The following RBMS3 variants were observed in gnomAD, a reference collection of about 807,000 sequenced individuals.
RBMS3 encodes RNA-binding motif, single-stranded-interacting protein 3.
A neutral mutation model predicts 66.8 loss-of-function variants in RBMS3; 27 were observed. The ratio of observed to expected loss-of-function variants is 0.40; its 90% CI spans 0.30 to 0.56. The LOEUF is 0.56. Ranked by LOEUF, RBMS3 falls within the 20% of genes least tolerant of loss-of-function variation. The probability of loss-of-function intolerance (pLI) is 0.40; values close to 1 mark genes in which losing one functional copy is unlikely to be tolerated. For missense variants in RBMS3, 513 were observed against 549.5 expected (o/e 0.93, Z 0.66); for synonymous variants, 188 against 183.0 (o/e 1.03, Z -0.22).
intron 3 of RBMS3, among the ~76,000 whole-genome samples, chr3:29,580,847 C>T (rs938824306): frequency 6.6e-6 from 1 of 152,108 alleles, no homozygotes; most frequent in East Asian, 1.9e-4. Context: ...TATGAGGGGA[C>T]TCCAGTGGAG....
At position 29,519,118 on chromosome 3, in the gene RBMS3, G is replaced by A. The variant is rs74863054; in HGVS notation, c.307+30619G>A. ...AATGTCTTCTGTTGATATCTGTAAC[G>A]TAAGTTGGTACAACCCTTCTAGAAA... On this transcript the variant is annotated intron_variant, in intron 3 of 14. Coordinates refer to ENST00000383767, the MANE Select transcript of RBMS3 (RefSeq NM_001003793.3). Among the ~76,000 whole-genome samples, 338 of 152,302 alleles carry A rather than the reference G, an allele frequency of 2.2e-3. 2 individuals are homozygous for A. The highest frequency in any genetic ancestry group is 7.8e-3 in the African/African-American group (325 of 41,572).
intron 10 of RBMS3, among the ~76,000 whole-genome samples, chr3:29,904,882 T>C (rs74420409): frequency 6.6e-6 from 1 of 152,172 alleles, no homozygotes; most frequent in South Asian, 2.1e-4. Flanking sequence ...TAGTTTTCTT[T>C]TGAGGTACTG....
At chr3:29,320,722 T>C (rs975099171) in intron 1 of RBMS3, among the ~76,000 whole-genome samples, 4 of 152,078 alleles carry the variant, frequency 2.6e-5, no homozygotes, top group Non-Finnish European at 5.9e-5. Context: ...ATAAAAAAGC[T>C]ATTATTTTTA....
At chr3:29,348,779 G>T (rs534759104) in intron 1 of RBMS3, among the ~76,000 whole-genome samples, 10 of 152,172 alleles carry the variant, frequency 6.6e-5, no homozygotes, top group African/African-American at 2.2e-4. Context: ...GTAGCAAATT[G>T]AGGCTCAATT....
intron 6 of RBMS3, among the ~76,000 whole-genome samples, chr3:29,819,984 C>T (rs1054942160): frequency 2.0e-5 from 3 of 151,760 alleles, no homozygotes; most frequent in Non-Finnish European, 4.4e-5. Flanking sequence ...CACTTGAGTC[C>T]AGGAGTTTGA....
At position 29,698,471 on chromosome 3, in the gene RBMS3, T is replaced by C. The variant is rs2052380153; in HGVS notation, c.400-41249T>C. 9 of 985,316 alleles carry C rather than the reference T, an allele frequency of 9.1e-6. No homozygotes were observed. The South Asian group carries it at 3.8e-4, about 41-fold the overall frequency. The allele number at this position is 985,316 out of a possible 1,614,324, so 61.0% of individuals were successfully genotyped here. A position where few individuals can be genotyped will look rare whatever the true frequency, so the allele number is the denominator to read the frequency against. On this transcript the variant is annotated intron_variant, in intron 4 of 14. Coordinates refer to ENST00000383767, the MANE Select transcript of RBMS3 (RefSeq NM_001003793.3). ...GAGAAATACAGTCTTTGGAGGAATC[T>C]TGACTTCTCAGCACTCTTTGTTTAT...
At chr3:29,337,783 A>G (rs2036039050) in intron 1 of RBMS3, among the ~76,000 whole-genome samples, 1 of 152,206 alleles carries the variant, frequency 6.6e-6, no homozygotes, top group African/African-American at 2.4e-5. Context: ...AATAAAAAAC[A>G]ACCTTACAAT....
At chr3:29,433,942 A>T (rs1447898684) in intron 1 of RBMS3, among the ~76,000 whole-genome samples, 4 of 152,180 alleles carry the variant, frequency 2.6e-5, no homozygotes, top group Non-Finnish European at 4.4e-5. Context: ...TTTTTTGGTG[A>T]TCACATCTGG....
intron 1 of RBMS3, among the ~76,000 whole-genome samples, chr3:29,413,374 A>ATACT (rs1216644954): frequency 1.7e-5 from 1 of 58,210 alleles, no homozygotes; most frequent in Non-Finnish European, 3.5e-5. Context: ...CATCTCATTC[A>ATACT]TACATACATA....
chr3:29,746,469 T>C (rs1312957630), intron 5 of RBMS3, among the ~76,000 whole-genome samples: 4 of 152,080 alleles, frequency 2.6e-5, no homozygotes, highest in Non-Finnish European at 4.4e-5. Context: ...AAAGGTTGTA[T>C]GTTTCATTCT....
chr3:29,854,261 T>C (rs2059017140), intron 6 of RBMS3, among the ~76,000 whole-genome samples: 1 of 152,212 alleles, frequency 6.6e-6, no homozygotes, highest in Admixed American at 6.5e-5. Flanking sequence ...ATGTTGTGTT[T>C]CCGGGCCTGT....
chr3:29,298,286 G>A (rs1461386319), intron 1 of RBMS3, among the ~76,000 whole-genome samples: 1 of 151,754 alleles, frequency 6.6e-6, no homozygotes, highest in African/African-American at 2.4e-5. Flanking sequence ...CTTCCTTTTG[G>A]TATATCCTAT....
chr3:29,501,223 G>A (rs918384001), intron 3 of RBMS3, among the ~76,000 whole-genome samples: 9 of 152,098 alleles, frequency 5.9e-5, no homozygotes, highest in Admixed American at 3.3e-4. Context: ...AGTTTAACAC[G>A]TCCACTTTGT....
chr3:29,835,611 TG>T (rs2058485082), intron 6 of RBMS3, among the ~76,000 whole-genome samples: 2 of 151,766 alleles, frequency 1.3e-5, no homozygotes, highest in Non-Finnish European at 3.0e-5. Flanking sequence ...CAAAAACACA[TG>T]GGATGCAGCA....
At chr3:29,513,503 T>G (rs879329067) in intron 3 of RBMS3, among the ~76,000 whole-genome samples, 2 of 152,206 alleles carry the variant, frequency 1.3e-5, no homozygotes, top group African/African-American at 2.4e-5. Context: ...CAATAGTCAC[T>G]GTACAAATTG....
At chr3:29,883,665 A>C (rs1241420666) in intron 7 of RBMS3, among the ~76,000 whole-genome samples, 1 of 152,044 alleles carries the variant, frequency 6.6e-6, no homozygotes, top group Admixed American at 6.6e-5. Flanking sequence ...CAATATATCA[A>C]ACAAGCACTC....
chr3:29,566,634 C>CAAAAAAAA (rs11445860), intron 3 of RBMS3, among the ~76,000 whole-genome samples: 1 of 119,906 alleles, frequency 8.3e-6, no homozygotes, highest in Non-Finnish European at 1.8e-5. Flanking sequence ...AAGCAAAATG[C>CAAAAAAAA]AAAAAAAAAA....
chr3:29,465,258 A>C (rs1277729106), intron 2 of RBMS3, among the ~76,000 whole-genome samples: 1 of 152,126 alleles, frequency 6.6e-6, no homozygotes, highest in Non-Finnish European at 1.5e-5. Flanking sequence ...AAAGACATAA[A>C]TGTTAGTGAA....
At chr3:29,609,627 T>C (rs922726553) in intron 4 of RBMS3, among the ~76,000 whole-genome samples, 1 of 152,042 alleles carries the variant, frequency 6.6e-6, no homozygotes, top group South Asian at 2.1e-4. Flanking sequence ...TTATAGATAC[T>C]GGAGAACAGG....
Sources: gnomAD v4.1 joint callset for allele counts (sites outside exome capture counted in the v4.1 genomes callset) on GRCh38, gnomAD v4.1.1 for gene constraint, MANE v1.5 for transcripts, NCBI Gene and HGNC (gene_info 2026-07-23, HGNC 2026-07-21) for gene names.